The following DENND1B variants were observed in gnomAD, a reference collection of about 807,000 sequenced individuals.
DENND1B encodes the protein DENN domain-containing protein 1B.
A neutral mutation model predicts 90.1 loss-of-function variants in DENND1B; 59 were observed. The observed-to-expected ratio is 0.65, with a 90% CI of 0.53 to 0.81. The LOEUF (loss-of-function observed/expected upper bound fraction) is 0.81, where lower values mean the gene tolerates loss of function less well. DENND1B is among the 40% of genes least tolerant of loss of function. DENND1B has a pLI of 0.00. For missense variants in DENND1B, 862 were observed against 912.6 expected, an observed-to-expected ratio of 0.94 and a Z score of 0.71; for synonymous variants, 337 against 324.6, an observed-to-expected ratio of 1.04 and a Z score of -0.41.
chr1:197,540,343 G>C (rs111780191), intron 19 of DENND1B, among the ~76,000 whole-genome samples: 6 of 151,624 alleles, frequency 4.0e-5, no homozygotes, highest in Non-Finnish European at 8.8e-5. Flanking sequence ...TGAATAATCT[G>C]AATAAAATTT....
At chr1:197,766,355 C>G (rs186221085) in intron 2 of DENND1B, among the ~76,000 whole-genome samples, 53 of 152,314 alleles carry the variant, frequency 3.5e-4, no homozygotes, top group African/African-American at 1.4e-4. Context: ...GCAAAAACAA[C>G]TATCATGGTA....
In DENND1B at chr1:197,607,172, T is replaced by G; in HGVS notation, c.822A>C (p.Arg274Ser). The G allele has an allele frequency of 7.0e-7, 1 of 1,436,912 alleles. No homozygotes were observed. The allele number at this position is 1,436,912 out of a possible 1,614,324, so 89.0% of individuals were successfully genotyped here. A position where few individuals can be genotyped will look rare whatever the true frequency, so the allele number is the denominator to read the frequency against. ...CATCTTCCAATGATTTGTTTTTCAC[T>G]CTCTATAAAAAAAACACAATTATGA... is the stretch of plus-strand genomic sequence containing the variant. ...LIGIHSSLIE[R>S]VKNKSLEDVV... Residue 274 changes from arginine (R) to serine (S), a missense_variant and splice_region_variant, in exon 13 of 23, where the codon AGA becomes AGC. By Grantham distance (110) the Arg-to-Ser change is moderately radical. Coordinates refer to ENST00000620048, the MANE Select transcript of DENND1B (RefSeq NM_001195215.2).
rs80158619 is a variant in DENND1B at position 197,633,896 on chromosome 1, T to C, written c.672+8815A>G. 1.4e-3 allele frequency among the ~76,000 whole-genome samples: 213 copies of C among 152,294 alleles called. 3 individuals are homozygous for C. In the East Asian group the frequency reaches 0.031, roughly 22 times the overall value. ...AATAGCTTCACCTTAGGAGGCTTTA[T>C]AGTAGTCTGCTGCGAGTGAGGCATC... On this transcript the variant is annotated intron_variant, in intron 10 of 22. Transcript: ENST00000620048.
intron 15 of DENND1B, among the ~76,000 whole-genome samples, chr1:197,562,481 A>T (rs182288097): frequency 6.6e-6 from 1 of 151,976 alleles, no homozygotes; most frequent in Admixed American, 6.6e-5. Context: ...ATTATATTAT[A>T]TGATTATAGT....
At chr1:197,656,299 G>A (rs961624159) in intron 6 of DENND1B, among the ~76,000 whole-genome samples, 3 of 151,692 alleles carry the variant, frequency 2.0e-5, no homozygotes, top group Non-Finnish European at 2.9e-5. Context: ...GAGGACATAA[G>A]TAAAACAAAG....
At position 197,739,499 on chromosome 1, in the gene DENND1B, T is replaced by A. The variant is rs143751361; in HGVS notation, c.83-24425A>T. ...ACATCACAGGAAAATCCCCAAATAT[T>A]TGTAACTTAAATAACATACTTCTAA... On this transcript the variant is annotated intron_variant, in intron 2 of 22. Coordinates refer to ENST00000620048, the MANE Select transcript of DENND1B (RefSeq NM_001195215.2). Among the ~76,000 whole-genome samples, 935 of 152,250 alleles carry A rather than the reference T, an allele frequency of 6.1e-3. 11 individuals are homozygous for A. The highest frequency in any genetic ancestry group is 0.022 in the African/African-American group (903 of 41,544).
intron 10 of DENND1B, among the ~76,000 whole-genome samples, chr1:197,639,692 AAT>A (rs1472968002): frequency 2.0e-5 from 3 of 152,204 alleles, no homozygotes; most frequent in Non-Finnish European, 4.4e-5. Context: ...GATATATAAA[AAT>A]ATGAGTATAA....
intron 2 of DENND1B, among the ~76,000 whole-genome samples, chr1:197,764,741 TA>T (rs1302691492): frequency 2.6e-5 from 4 of 152,176 alleles, no homozygotes; most frequent in African/African-American, 9.6e-5. Context: ...TAATAAAAAA[TA>T]AAAATAAAAA....
At chr1:197,597,576 T>C (rs1675819523) in intron 13 of DENND1B, among the ~76,000 whole-genome samples, 1 of 151,834 alleles carries the variant, frequency 6.6e-6, no homozygotes, top group African/African-American at 2.4e-5. Flanking sequence ...ATATGCTCAC[T>C]AAGAATACAG....
chr1:197,764,861 G>A (rs1655509831), intron 2 of DENND1B, among the ~76,000 whole-genome samples: 1 of 152,130 alleles, frequency 6.6e-6, no homozygotes, highest in South Asian at 2.1e-4. Flanking sequence ...GTTGAAAAGT[G>A]GTGAGAAGAG....
chr1:197,745,616 T>TTA (rs60118343), intron 2 of DENND1B, among the ~76,000 whole-genome samples: 3,482 of 71,610 alleles, frequency 0.049, 50 homozygotes, highest in African/African-American at 0.096. Context: ...CATATATATA[T>TTA]TATATATATA....
chr1:197,641,984 T>G (rs1248974553), intron 10 of DENND1B, among the ~76,000 whole-genome samples: 5 of 152,062 alleles, frequency 3.3e-5, no homozygotes, highest in Non-Finnish European at 5.9e-5. Flanking sequence ...ACATCATAGA[T>G]TATCTAAAAC....
chr1:197,687,890 T>C (rs1162969062), intron 3 of DENND1B, among the ~76,000 whole-genome samples: 1 of 152,088 alleles, frequency 6.6e-6, no homozygotes, highest in Non-Finnish European at 1.5e-5. Flanking sequence ...TGTTCACAGA[T>C]GACATGACCT....
At chr1:197,747,449 C>T (rs1318533451) in intron 2 of DENND1B, 1 of 352,418 alleles carries the variant, frequency 2.8e-6, no homozygotes, top group East Asian at 6.6e-5. Context: ...GCCCACTCCA[C>T]ATCTTTTCGT....
intron 2 of DENND1B, among the ~76,000 whole-genome samples, chr1:197,750,677 C>T (rs1337282828): frequency 6.6e-6 from 1 of 151,984 alleles, no homozygotes; most frequent in Admixed American, 6.6e-5. Context: ...GAATTTCATG[C>T]AAACACTAAT....
rs914910207 is a variant in DENND1B at position 197,586,897 on chromosome 1, A to C, written c.1048-3644T>G. Among the ~76,000 whole-genome samples, 9 of 152,180 alleles carry C rather than the reference A, an allele frequency of 5.9e-5. No individual in the cohort carries two copies. The South Asian group carries it at 8.3e-4, about 14-fold the overall frequency. On this transcript the variant is annotated intron_variant, in intron 14 of 22. Coordinates refer to ENST00000620048, the MANE Select transcript of DENND1B (RefSeq NM_001195215.2). Reference sequence around the variant, plus strand: ...CCAGCTTCTTATATCCCATATAAGAAGTGGTCTTTTTCAATGGTGAGAGGT... The same window carrying C: ...CCAGCTTCTTATATCCCATATAAGACGTGGTCTTTTTCAATGGTGAGAGGT...
At chr1:197,697,047 G>A (rs1309648092) in intron 3 of DENND1B, among the ~76,000 whole-genome samples, 3 of 84,406 alleles carry the variant, frequency 3.6e-5, no homozygotes, top group African/African-American at 1.4e-4. Flanking sequence ...CCACACAAAA[G>A]AAGAAACAGA....
At chr1:197,671,663 G>T (rs1572266520) in intron 5 of DENND1B, among the ~76,000 whole-genome samples, 1 of 152,186 alleles carries the variant, frequency 6.6e-6, no homozygotes, top group African/African-American at 2.4e-5. Flanking sequence ...CTGTCTTAAA[G>T]CAGCAGTTCA....
At chr1:197,623,465 T>C (rs1212250788) in intron 10 of DENND1B, among the ~76,000 whole-genome samples, 1 of 151,530 alleles carries the variant, frequency 6.6e-6, no homozygotes, top group Non-Finnish European at 1.5e-5. Flanking sequence ...AACTACTAAA[T>C]AGTCTCACTT....
Sources: gnomAD v4.1 joint callset for allele counts (sites outside exome capture counted in the v4.1 genomes callset) on GRCh38, gnomAD v4.1.1 for gene constraint, MANE v1.5 for transcripts, NCBI Gene and HGNC (gene_info 2026-07-23, HGNC 2026-07-21) for gene names.